GRID1: variants seen among roughly 807,000 people sequenced by gnomAD.
The protein encoded by GRID1 is glutamate receptor ionotropic, delta-1.
GRID1 carries 28 observed loss-of-function variants against 98.0 expected under a neutral mutation model. That is an observed-to-expected ratio of 0.29 (90% CI 0.21 to 0.39). The LOEUF (loss-of-function observed/expected upper bound fraction) is 0.39, where lower values mean the gene tolerates loss of function less well. Ranked by LOEUF, GRID1 falls within the 10% of genes least tolerant of loss-of-function variation. The probability of loss-of-function intolerance (pLI) is 1.00; values close to 1 mark genes in which losing one functional copy is unlikely to be tolerated. For missense variants in GRID1, 1,111 were observed against 1,340.5 expected (o/e 0.83, Z 2.67); for synonymous variants, 553 against 538.5 (o/e 1.03, Z -0.37).
intron 3 of GRID1, among the ~76,000 whole-genome samples, chr10:86,151,376 G>A (rs1845166548): frequency 6.6e-6 from 1 of 151,828 alleles, no homozygotes; most frequent in Non-Finnish European, 1.5e-5. Flanking sequence ...TCCAACCCTG[G>A]ATCTGTCTAC....
intron 4 of GRID1, among the ~76,000 whole-genome samples, chr10:86,023,694 T>G (rs778379564): frequency 5.3e-5 from 8 of 152,076 alleles, no homozygotes; most frequent in Non-Finnish European, 7.4e-5. Context: ...CTTCCTGACT[T>G]CTTGTGCTCC....
At chr10:85,853,324 A>G (rs1326027147) in intron 8 of GRID1, among the ~76,000 whole-genome samples, 1 of 152,198 alleles carries the variant, frequency 6.6e-6, no homozygotes, top group East Asian at 1.9e-4. Context: ...ATCAGGCTAG[A>G]GGGCTCTTTG....
intron 4 of GRID1, among the ~76,000 whole-genome samples, chr10:85,955,629 C>T (rs1226794811): frequency 1.3e-5 from 2 of 152,202 alleles, no homozygotes; most frequent in African/African-American, 2.4e-5. Context: ...TAAGAAACAA[C>T]TAGCAACTGA....
At chr10:85,661,091 T>C (rs115661999) in intron 12 of GRID1, among the ~76,000 whole-genome samples, 337 of 152,288 alleles carry the variant, frequency 2.2e-3, no homozygotes, top group African/African-American at 7.8e-3. Flanking sequence ...ACGTCAGTGC[T>C]TGTAAACTGC....
At chr10:86,028,404 T>A (rs1280568758) in intron 4 of GRID1, among the ~76,000 whole-genome samples, 1 of 152,236 alleles carries the variant, frequency 6.6e-6, no homozygotes, top group Non-Finnish European at 1.5e-5. Context: ...GTCACTGGTA[T>A]GGACCGATTT....
intron 8 of GRID1, among the ~76,000 whole-genome samples, chr10:85,828,853 A>T (rs188731535): frequency 6.6e-6 from 1 of 152,210 alleles, no homozygotes; most frequent in Non-Finnish European, 1.5e-5. Context: ...GACTAGATGG[A>T]TTAACAGCTG....
chr10:86,017,550 C>G (rs1564650956), intron 4 of GRID1, among the ~76,000 whole-genome samples: 1 of 152,196 alleles, frequency 6.6e-6, no homozygotes, highest in Admixed American at 6.5e-5. Context: ...TCCCCAAAAC[C>G]CTTGAGCAGG....
At position 86,206,651 on chromosome 10, in the gene GRID1, A is replaced by T. The variant is rs773782196; in HGVS notation, c.236-3T>A. The T allele has an allele frequency of 3.7e-6, 6 of 1,609,040 alleles. No individual in the cohort carries two copies. In the African/African-American group the frequency reaches 6.7e-5, roughly 18 times the overall value. ...CCCCTGGGTCATGAGGTCACAGGCT[A>T]GAAAGAGAGAAGAGAGAGAGGAAGG... On this transcript the variant is annotated splice_region_variant and splice_polypyrimidine_tract_variant and intron_variant, in intron 2 of 15. Transcript: ENST00000327946. The surrounding 1 kb of genome is among the most constrained non-coding windows in gnomAD (Gnocchi z 4.1).
intron 2 of GRID1, among the ~76,000 whole-genome samples, chr10:86,355,566 A>C (rs969514487): frequency 1.3e-5 from 2 of 151,954 alleles, no homozygotes; most frequent in African/African-American, 4.8e-5. Context: ...TACAGCTTGG[A>C]CCTAGAAACG....
intron 15 of GRID1, chr10:85,607,329 T>C (rs1213139703): frequency 1.3e-5 from 2 of 152,210 alleles, no homozygotes; most frequent in Non-Finnish European, 2.9e-5. Flanking sequence ...AAAATGGGGA[T>C]GAGGAACTTC....
chr10:85,979,821 A>G (rs1842522302), intron 4 of GRID1, among the ~76,000 whole-genome samples: 1 of 152,200 alleles, frequency 6.6e-6, no homozygotes, highest in Non-Finnish European at 1.5e-5. Context: ...AGAGGCCAGG[A>G]GGACAGGCAA....
intron 4 of GRID1, among the ~76,000 whole-genome samples, chr10:86,020,110 G>A (rs759152822): frequency 2.0e-5 from 3 of 152,234 alleles, no homozygotes; most frequent in African/African-American, 4.8e-5. Flanking sequence ...CAACAAGCAC[G>A]TTTAGCATTC....
chr10:85,738,700 T>C (rs1841910843), intron 8 of GRID1, among the ~76,000 whole-genome samples: 1 of 152,182 alleles, frequency 6.6e-6, no homozygotes. Flanking sequence ...CACAACAACA[T>C]GGATAAAGCT....
Position 85,904,849 on chromosome 10 carries a change from C to T in GRID1, c.780+11337G>A, listed in dbSNP as rs142807038. On this transcript the variant is annotated intron_variant, in intron 5 of 15. Transcript: ENST00000327946. ...AATAAGAGAAAAAGAACATCAGTGA[C>T]GTGTGGGATAACTTCACAAAAACCT... Among the ~76,000 whole-genome samples the T allele has an allele frequency of 4.7e-3, 717 of 152,164 alleles. 8 individuals carry two copies. Among genetic ancestry groups the T allele is most frequent in the Non-Finnish European group, 8.3e-3 (562 of 68,000 alleles).
chr10:85,865,918 T>TATATATATATAC (rs1400898669), intron 6 of GRID1, among the ~76,000 whole-genome samples: 1 of 94,534 alleles, frequency 1.1e-5, no homozygotes, highest in African/African-American at 4.0e-5. Context: ...TATACATATA[T>TATATATATATAC]ATATATATAT....
At chr10:86,160,864 A>C (rs1189281916) in intron 3 of GRID1, among the ~76,000 whole-genome samples, 1 of 152,242 alleles carries the variant, frequency 6.6e-6, no homozygotes, top group Non-Finnish European at 1.5e-5. Flanking sequence ...TCCAGCCCAA[A>C]AGCTGTTCTC....
At chr10:85,868,331 CAAACACCCAGAGAG>C (rs974067672) in intron 6 of GRID1, among the ~76,000 whole-genome samples, 1 of 152,174 alleles carries the variant, frequency 6.6e-6, no homozygotes, top group African/African-American at 2.4e-5. Flanking sequence ...CTGTTGCTCC[CAAACACCCAGAGAG>C]AAACCACCTC....
chr10:86,329,022 T>C (rs955128304), intron 2 of GRID1, among the ~76,000 whole-genome samples: 4 of 152,170 alleles, frequency 2.6e-5, no homozygotes, highest in African/African-American at 7.2e-5. Flanking sequence ...AAAAGCCCTG[T>C]CACTATGGGC....
chr10:86,335,855 G>T lies in GRID1; in HGVS notation c.235+28086C>A, dbSNP rs368890032. On this transcript the variant is annotated intron_variant, in intron 2 of 15. Transcript: ENST00000327946. ...CCATGGCCACTTCTCTAAAGCTCAT[G>T]AAAGAACCCCTCTCCAACCTGCCCC... Among the ~76,000 whole-genome samples, 32 of 152,360 alleles carry T rather than the reference G, an allele frequency of 2.1e-4. 1 individual carries two copies. The South Asian group carries it at 5.6e-3, about 27-fold the overall frequency.
Sources: gnomAD v4.1 joint callset for allele counts (sites outside exome capture counted in the v4.1 genomes callset) on GRCh38, gnomAD v4.1.1 for gene constraint, Gnocchi (gnomAD v3.1) non-coding constraint, MANE v1.5 for transcripts, NCBI Gene and HGNC (gene_info 2026-07-23, HGNC 2026-07-21) for gene names.